DNAJC5B: variants seen among roughly 807,000 people sequenced by gnomAD.
DNAJC5B encodes dnaJ homolog subfamily C member 5B.
A neutral mutation model predicts 24.7 loss-of-function variants in DNAJC5B; 23 were observed. That is an observed-to-expected ratio of 0.93 (90% CI 0.67 to 1.32). The LOEUF (loss-of-function observed/expected upper bound fraction) is 1.32. Among genes scored for constraint, DNAJC5B ranks in the 40% most tolerant of loss-of-function variants. The pLI is 0.00. For missense variants in DNAJC5B, 238 were observed against 240.8 expected, an observed-to-expected ratio of 0.99 and a Z score of 0.08; for synonymous variants, 101 against 90.1, an observed-to-expected ratio of 1.12 and a Z score of -0.68.
chr8:66,018,882 C>G (rs1378052890), upstream of DNAJC5B, among the ~76,000 whole-genome samples: 1 of 152,186 alleles, frequency 6.6e-6, no homozygotes, highest in Non-Finnish European at 1.5e-5. Flanking sequence ...TAAGCAAAAA[C>G]CTTTGAACTC....
chr8:66,075,141 A>G (rs1171820863), intron 3 of DNAJC5B, among the ~76,000 whole-genome samples: 1 of 152,074 alleles, frequency 6.6e-6, no homozygotes, highest in Non-Finnish European at 1.5e-5. Context: ...GTCTTGGTTC[A>G]CTGCAACCTC....
intron 3 of DNAJC5B, among the ~76,000 whole-genome samples, chr8:66,058,418 C>T (rs1807012504): frequency 6.6e-6 from 1 of 152,212 alleles, no homozygotes; most frequent in Non-Finnish European, 1.5e-5. Context: ...TGATCCCAAA[C>T]TCCTGGAGCA....
chr8:66,022,313 C>T (rs1209161165), intron 1 of DNAJC5B, among the ~76,000 whole-genome samples: 1 of 152,200 alleles, frequency 6.6e-6, no homozygotes, highest in Non-Finnish European at 1.5e-5. Context: ...TTCCTGGAGT[C>T]TTGGGGCCCT....
chr8:66,024,457 G>T, intron 1 of DNAJC5B, among the ~76,000 whole-genome samples: 1 of 135,228 alleles, frequency 7.4e-6, no homozygotes. Context: ...CTAAGTTTTA[G>T]GGTACATGTG....
At position 66,090,318 on chromosome 8, in the gene DNAJC5B, AG is replaced by A. The variant is rs754279137; in HGVS notation, c.506-9618del. Among the ~76,000 whole-genome samples, 188 of 151,850 alleles carry A rather than the reference AG, an allele frequency of 1.2e-3. 1 individual carries two copies. The highest frequency in any genetic ancestry group is 5.7e-4 in the Non-Finnish European group (39 of 67,916). On this transcript the variant is annotated intron_variant, in intron 5 of 5. Coordinates refer to ENST00000276570, the MANE Select transcript of DNAJC5B (RefSeq NM_033105.6). ...GAGAGAGAGAAGGTATGGAAGCAAG[AG>A]CCCAAATCGGAACCAGTTACCTCTG...
At chr8:66,019,955 C>G (rs1806067171), upstream of DNAJC5B, among the ~76,000 whole-genome samples, 1 of 152,102 alleles carries the variant, frequency 6.6e-6, no homozygotes, top group Non-Finnish European at 1.5e-5. Context: ...TAACCATTTC[C>G]CTAAGATTTT....
intron 4 of DNAJC5B, 48 bp from the exon 5 acceptor site, chr8:66,080,328 TC>T (rs748117601): frequency 1.3e-6 from 2 of 1,582,660 alleles, no homozygotes; most frequent in Admixed American, 3.4e-5. Flanking sequence ...GGTTCTCCCC[TC>T]ACCCCATCAC....
chr8:66,086,459 T>G (rs188848116), intron 5 of DNAJC5B, among the ~76,000 whole-genome samples: 91 of 152,304 alleles, frequency 6.0e-4, no homozygotes, highest in African/African-American at 2.0e-3. Flanking sequence ...AAATCAGGAT[T>G]TCAAGTTTGA....
chr8:66,088,326 G>T (rs1212307029), intron 5 of DNAJC5B, among the ~76,000 whole-genome samples: 2 of 152,196 alleles, frequency 1.3e-5, no homozygotes, highest in African/African-American at 2.4e-5. Context: ...CCTGGCCCAA[G>T]AAACCATTTT....
chr8:66,058,985 C>G (rs1807025677), intron 3 of DNAJC5B, among the ~76,000 whole-genome samples: 1 of 152,138 alleles, frequency 6.6e-6, no homozygotes, highest in African/African-American at 2.4e-5. Flanking sequence ...ATATCCAAGT[C>G]TAAAATTATC....
chr8:66,068,987 AT>A (rs1214240766), intron 3 of DNAJC5B, among the ~76,000 whole-genome samples: 1 of 152,130 alleles, frequency 6.6e-6, no homozygotes, highest in Non-Finnish European at 1.5e-5. Context: ...ATCCAGGGAA[AT>A]TTTCAAAATT....
chr8:66,098,264 G>A (rs537084896), intron 5 of DNAJC5B, among the ~76,000 whole-genome samples: 131 of 151,840 alleles, frequency 8.6e-4, no homozygotes, highest in African/African-American at 2.5e-3. Flanking sequence ...GTGCAGTGGC[G>A]TGATCTTAGC....
chr8:66,055,890 C>T (rs190422454), intron 3 of DNAJC5B, among the ~76,000 whole-genome samples: 95 of 152,230 alleles, frequency 6.2e-4, no homozygotes, highest in Middle Eastern at 3.4e-3. Context: ...TGCAGTGAGC[C>T]GAGAGCCGAG....
chr8:66,059,359 A>C (rs1423867603), intron 3 of DNAJC5B, among the ~76,000 whole-genome samples: 1 of 152,226 alleles, frequency 6.6e-6, no homozygotes, highest in Non-Finnish European at 1.5e-5. Flanking sequence ...ATAGGCCTAG[A>C]AGAAGTCATC....
chr8:66,037,521 G>A (rs1393930232), intron 1 of DNAJC5B, among the ~76,000 whole-genome samples: 1 of 152,114 alleles, frequency 6.6e-6, no homozygotes, highest in Non-Finnish European at 1.5e-5. Context: ...TGAGTGTCTG[G>A]GCCCCAAGAG....
chr8:66,020,042 T>C (rs779139622), upstream of DNAJC5B, among the ~76,000 whole-genome samples: 31 of 152,376 alleles, frequency 2.0e-4, no homozygotes, highest in Non-Finnish European at 4.4e-4. Flanking sequence ...CTCAAAGGGT[T>C]GCTTAAGGCA....
intron 5 of DNAJC5B, among the ~76,000 whole-genome samples, chr8:66,088,406 A>G (rs1352671429): frequency 1.3e-5 from 2 of 152,194 alleles, no homozygotes; most frequent in African/African-American, 2.4e-5. Context: ...CCCTGGAGAC[A>G]GTTTCCCCAT....
Position 66,037,748 on chromosome 8 carries a change from C to T in DNAJC5B, c.-141-5740C>T, listed in dbSNP as rs73241284. ...ATCTGCAGGAAAGCAGACGGCTTTG[C>T]AGACCAGAAGCTCTACTAATGAGTT... is the stretch of plus-strand genomic sequence containing the variant. On this transcript the variant is annotated intron_variant, in intron 1 of 5. Transcript: ENST00000276570. Among the ~76,000 whole-genome samples the T allele has an allele frequency of 6.2e-3, 948 of 152,346 alleles. 7 individuals are homozygous for T. Among genetic ancestry groups the T allele is most frequent in the African/African-American group, 0.011 (437 of 41,588 alleles).
At chr8:66,052,355 T>C (rs920244619) in intron 3 of DNAJC5B, among the ~76,000 whole-genome samples, 8 of 152,196 alleles carry the variant, frequency 5.3e-5, no homozygotes, top group African/African-American at 1.9e-4. Flanking sequence ...TTGTAAGCTA[T>C]ACTTCTCAAG....
Sources: gnomAD v4.1 joint callset for allele counts (sites outside exome capture counted in the v4.1 genomes callset) on GRCh38, gnomAD v4.1.1 for gene constraint, MANE v1.5 for transcripts, NCBI Gene and HGNC (gene_info 2026-07-23, HGNC 2026-07-21) for gene names.